The following ARPC5 variants were observed in gnomAD, a reference collection of about 807,000 sequenced individuals.
ARPC5 encodes actin-related protein 2/3 complex subunit 5.
In ARPC5, 5 loss-of-function variants were observed where a neutral mutation model predicts 15.4. The observed-to-expected ratio is 0.32, with a 90% CI of 0.17 to 0.68. The LOEUF is 0.68. Ranked by LOEUF, ARPC5 falls within the 30% of genes least tolerant of loss-of-function variation. The pLI is 0.71. For missense variants in ARPC5, 138 were observed against 192.8 expected (o/e 0.72, Z 1.68); for synonymous variants, 85 against 72.2 (o/e 1.18, Z -0.90).
chr1:183,635,425 C>G, intron 1 of ARPC5, 92 bp downstream of exon 1: 1 of 1,397,316 alleles, frequency 7.2e-7, no homozygotes, highest in Non-Finnish European at 9.4e-7. Context: ...AGCTCCGCGC[C>G]GGTGCCCCGC....
intron 1 of ARPC5, chr1:183,633,390 C>G (rs1429438214): frequency 3.1e-6 from 1 of 324,888 alleles, no homozygotes; most frequent in Non-Finnish European, 5.6e-6. Context: ...TTGGTTCTAA[C>G]TATCAAGTGA....
intron 2 of ARPC5, chr1:183,632,234 T>C (rs965002388): frequency 6.6e-6 from 1 of 152,186 alleles, no homozygotes; most frequent in Admixed American, 6.5e-5. Context: ...AATAAATACG[T>C]AAATAGGTTA....
chr1:183,635,368 G>A (rs1649443340), intron 1 of ARPC5, 149 bp downstream of exon 1: 2 of 961,430 alleles, frequency 2.1e-6, no homozygotes, highest in Admixed American at 3.3e-5. Context: ...TGCCCTCTCA[G>A]AGCGGGCGAT....
rs543319391 is a variant in ARPC5, at chr1:183,635,763, C to T, written c.-104G>A. 1 of 1,460,608 alleles carries T rather than the reference C, an allele frequency of 6.8e-7. No homozygotes were observed. The highest frequency in any genetic ancestry group is 2.4e-5 in the East Asian group (1 of 40,914). The allele number at this position is 1,460,608 out of a possible 1,614,324, so 90.5% of individuals were successfully genotyped here. On this transcript the variant is annotated 5_prime_UTR_variant, in exon 1 of 4. Coordinates refer to ENST00000359856, the MANE Select transcript of ARPC5 (RefSeq NM_005717.4). ...CGGCGCCTGATTCACTTCCCTCTTC[C>T]GCTCTGAGGCGTCGCCGACTGCCGC...
chr1:183,631,785 G>A (rs1001243359), intron 2 of ARPC5: 12 of 152,096 alleles, frequency 7.9e-5, no homozygotes, highest in Admixed American at 7.2e-4. Context: ...CATTAATAAT[G>A]ATCTTTTTTC....
At chr1:183,629,399 C>A (rs1166895125) in intron 3 of ARPC5, among the ~76,000 whole-genome samples, 1 of 152,178 alleles carries the variant, frequency 6.6e-6, no homozygotes, top group Non-Finnish European at 1.5e-5. Flanking sequence ...TACCTGGCAA[C>A]AGAAAGTGTT....
chr1:183,628,778 A>C (rs1371890044), intron 3 of ARPC5, among the ~76,000 whole-genome samples: 1 of 152,252 alleles, frequency 6.6e-6, no homozygotes, highest in African/African-American at 2.4e-5. Flanking sequence ...GAGGTGTGAA[A>C]CAATATGGTG....
In ARPC5 at chr1:183,627,342, C is replaced by G; in HGVS notation, c.*190G>C. ...AAACACTTCTATTTTAACACAATTT[C>G]TTCTATATTATCCCAATTTTCATTA... On this transcript the variant is annotated 3_prime_UTR_variant, in exon 4 of 4. Transcript: ENST00000359856. The G allele has an allele frequency of 1.6e-6, 1 of 629,958 alleles. No individual in the cohort carries two copies. Among genetic ancestry groups the G allele is most frequent in the South Asian group, 1.9e-5 (1 of 51,788 alleles). The allele number at this position is 629,958 out of a possible 1,614,324, so 39.0% of individuals were successfully genotyped here.
Position 183,635,381 on chromosome 1 carries a change from CAA to C in ARPC5, c.143+134_143+135del, listed in dbSNP as rs1649445146. ...CTTGCCCTCTCAGAGCGGGCGATCCCAAAGAGACAGGTTAAGCCGCAGGTTGA... is the reference window on the plus strand; with the variant it reads ...CTTGCCCTCTCAGAGCGGGCGATCCCAGAGACAGGTTAAGCCGCAGGTTGA... On this transcript the variant is annotated intron_variant, in intron 1 of 3. Coordinates refer to ENST00000359856, the MANE Select transcript of ARPC5 (RefSeq NM_005717.4). 3.6e-6 allele frequency: 4 copies of C among 1,098,426 alleles called. No individual in the cohort carries two copies. In the South Asian group the frequency reaches 5.3e-5, roughly 15 times the overall value. The allele number at this position is 1,098,426 out of a possible 1,614,324, so 68.0% of individuals were successfully genotyped here.
intron 3 of ARPC5, chr1:183,630,211 T>C: frequency 3.1e-6 from 1 of 326,508 alleles, no homozygotes; most frequent in Non-Finnish European, 5.5e-6. Context: ...TACAAAGTTT[T>C]GATTTAATTC....
chr1:183,628,382 T>TA (rs986424616), intron 3 of ARPC5, among the ~76,000 whole-genome samples: 3 of 152,076 alleles, frequency 2.0e-5, no homozygotes, highest in Non-Finnish European at 2.9e-5. Flanking sequence ...GCTAAGAACT[T>TA]AGAAACTTTA....
In ARPC5 at chr1:183,625,731, A is replaced by G. The variant is rs900704435; in HGVS notation, c.*1801T>C. 1 of 152,246 alleles carries G rather than the reference A, an allele frequency of 6.6e-6. No homozygotes were observed. The highest frequency in any genetic ancestry group is 2.4e-5 in the African/African-American group (1 of 41,450). The allele number at this position is 152,246 out of a possible 1,614,324, so 9.4% of individuals were successfully genotyped here. A position where few individuals can be genotyped will look rare whatever the true frequency, so the allele number is the denominator to read the frequency against. On this transcript the variant is annotated 3_prime_UTR_variant, in exon 4 of 4. Coordinates refer to ENST00000359856, the MANE Select transcript of ARPC5 (RefSeq NM_005717.4). ...CCCCATCTCTAAGTAATATTTAAGA[A>G]TAATACCTATTGCTTAGCTTATCTT...
Position 183,627,417 on chromosome 1 carries a change from A to T in ARPC5, c.*115T>A. On this transcript the variant is annotated 3_prime_UTR_variant, in exon 4 of 4. Coordinates refer to ENST00000359856, the MANE Select transcript of ARPC5 (RefSeq NM_005717.4). ...TTCTTTACAGATATGAAAAAGCAAG[A>T]AGGCAAAGCTGAGAGAAACAGATGC... The T allele has an allele frequency of 1.2e-6, 1 of 848,348 alleles. No individual in the cohort carries two copies. Among genetic ancestry groups the T allele is most frequent in the South Asian group, 1.5e-5 (1 of 68,578 alleles). The allele number at this position is 848,348 out of a possible 1,614,324, so 52.6% of individuals were successfully genotyped here. A position where few individuals can be genotyped will look rare whatever the true frequency, so the allele number is the denominator to read the frequency against.
chr1:183,634,696 G>C (rs1488228468), intron 1 of ARPC5, among the ~76,000 whole-genome samples: 1 of 152,132 alleles, frequency 6.6e-6, no homozygotes, highest in African/African-American at 2.4e-5. Flanking sequence ...TGCTTTATAC[G>C]AATGACTCAT....
chr1:183,622,024 A>C lies in ARPC5; in HGVS notation c.*5508T>G, dbSNP rs959662458. 1.3e-5 allele frequency: 2 copies of C among 152,228 alleles called. No homozygotes were observed. The highest frequency in any genetic ancestry group is 2.9e-5 in the Non-Finnish European group (2 of 68,038). The allele number at this position is 152,228 out of a possible 1,614,324, so 9.4% of individuals were successfully genotyped here. ...TCAAATGCCTCTGAAGGGAATAAGG[A>C]AGTTCTTTATGTATTGATAGGAAAT... On this transcript the variant is annotated 3_prime_UTR_variant, in exon 4 of 4. Transcript: ENST00000359856.
chr1:183,635,242 C>G (rs1413268474), intron 1 of ARPC5, among the ~76,000 whole-genome samples: 1 of 152,220 alleles, frequency 6.6e-6, no homozygotes, highest in African/African-American at 2.4e-5. Flanking sequence ...CAGGCAGGCA[C>G]TCGGGTGCAA....
At chr1:183,627,883 T>A (rs1649150959) in intron 3 of ARPC5, among the ~76,000 whole-genome samples, 1 of 152,172 alleles carries the variant, frequency 6.6e-6, no homozygotes, top group South Asian at 2.1e-4. Context: ...TTAAAAAATC[T>A]GCAGCATAGG....
At chr1:183,632,015 G>C (rs1162813196) in intron 2 of ARPC5, 1 of 152,134 alleles carries the variant, frequency 6.6e-6, no homozygotes, top group Admixed American at 6.5e-5. Flanking sequence ...AAATATCTTT[G>C]CATCCACGGT....
rs1648943819 is a variant in ARPC5 at position 183,621,752 on chromosome 1, C to G, written c.*5780G>C. The G allele has an allele frequency of 6.6e-6, 1 of 152,106 alleles. No homozygotes were observed. The highest frequency in any genetic ancestry group is 2.4e-5 in the African/African-American group (1 of 41,416). The allele number at this position is 152,106 out of a possible 1,614,324, so 9.4% of individuals were successfully genotyped here. On this transcript the variant is annotated 3_prime_UTR_variant, in exon 4 of 4. Coordinates refer to ENST00000359856, the MANE Select transcript of ARPC5 (RefSeq NM_005717.4). ...TGGCATTTGTAAACTGTCATGGTGC[C>G]GGTGGGAGCGTAGCGGTGAGGATGG...
Sources: gnomAD v4.1 joint callset for allele counts (sites outside exome capture counted in the v4.1 genomes callset) on GRCh38, gnomAD v4.1.1 for gene constraint, MANE v1.5 for transcripts, NCBI Gene and HGNC (gene_info 2026-07-23, HGNC 2026-07-21) for gene names.